ATRNL1: variants seen among roughly 807,000 people sequenced by gnomAD.
ATRNL1 encodes the protein attractin-like protein 1.
ATRNL1 carries 95 observed loss-of-function variants against 182.7 expected under a neutral mutation model. The observed-to-expected ratio is 0.52, with a 90% CI of 0.44 to 0.62. The LOEUF is 0.62. Ranked by LOEUF, ATRNL1 falls within the 20% of genes least tolerant of loss-of-function variation. The pLI, the probability that ATRNL1 is intolerant of heterozygous loss-of-function variation, is 0.00. For synonymous variants in ATRNL1, 576 were observed against 568.3 expected, an observed-to-expected ratio of 1.01 and a Z score of -0.19; for missense variants, 1,471 against 1,679.5, an observed-to-expected ratio of 0.88 and a Z score of 2.17.
intron 27 of ATRNL1, among the ~76,000 whole-genome samples, chr10:115,810,326 C>T (rs1258015854): frequency 1.3e-5 from 2 of 151,886 alleles, no homozygotes; most frequent in Non-Finnish European, 2.9e-5. Flanking sequence ...GTTTCCTCCT[C>T]ATCTGTTTTC....
chr10:115,667,593 T>G (rs573267485), intron 26 of ATRNL1, among the ~76,000 whole-genome samples: 9 of 151,936 alleles, frequency 5.9e-5, no homozygotes, highest in African/African-American at 2.2e-4. Flanking sequence ...TCTAGACCTC[T>G]GAAAGTCTAG....
rs782634361 is a variant in ATRNL1, at chr10:115,093,638, T to TGAG, written c.-103_-101dup. The TGAG allele has an allele frequency of 8.6e-5, 102 of 1,189,392 alleles. No individual in the cohort carries two copies. The Admixed American group carries it at 1.3e-3, about 15-fold the overall frequency. 73.7% of individuals were successfully genotyped at this position (1,189,392 alleles called of 1,614,324 possible). A position where few individuals can be genotyped will look rare whatever the true frequency, so the allele number is the denominator to read the frequency against. On this transcript the variant is annotated 5_prime_UTR_variant, in exon 1 of 29. Coordinates refer to ENST00000355044, the MANE Select transcript of ATRNL1 (RefSeq NM_207303.4). This position sits in a 1 kb window ranked among gnomAD's most constrained non-coding sequence, Gnocchi z 6.1. ...GGAGCGGGACTCGGACGGGCGCCGG[T>TGAG]GAGGAGGAGGAGAAGCGGCGGCGGA...
chr10:115,843,794 A>T (rs1489080250), intron 27 of ATRNL1, among the ~76,000 whole-genome samples: 1 of 152,042 alleles, frequency 6.6e-6, no homozygotes, highest in Non-Finnish European at 1.5e-5. Flanking sequence ...GTTAGTACCC[A>T]CTACTTTTTA....
intron 28 of ATRNL1, among the ~76,000 whole-genome samples, chr10:115,881,463 C>T (rs1951825970): frequency 6.6e-6 from 1 of 152,210 alleles, no homozygotes; most frequent in Non-Finnish European, 1.5e-5. Flanking sequence ...AGCACAATAG[C>T]TTTCACCCAC....
chr10:115,686,750 A>G (rs1946230690), intron 26 of ATRNL1, among the ~76,000 whole-genome samples: 2 of 152,050 alleles, frequency 1.3e-5, no homozygotes, highest in Admixed American at 1.3e-4. Context: ...TTGATATCCA[A>G]GTTATCTTCC....
At chr10:115,687,618 GC>G (rs1451122516) in intron 26 of ATRNL1, among the ~76,000 whole-genome samples, 2 of 151,948 alleles carry the variant, frequency 1.3e-5, no homozygotes, top group Non-Finnish European at 2.9e-5. Context: ...TAATTTCATT[GC>G]CCCTTTGGAA....
At chr10:115,258,517 T>C (rs1399696128) in intron 10 of ATRNL1, among the ~76,000 whole-genome samples, 6 of 152,094 alleles carry the variant, frequency 3.9e-5, no homozygotes, top group Non-Finnish European at 5.9e-5. Flanking sequence ...ATTCGTCTAA[T>C]CTTTTTTTCA....
In ATRNL1 at chr10:115,617,369, T is replaced by TG. The variant is rs576545595; in HGVS notation, c.3795+67834dup. Among the ~76,000 whole-genome samples the TG allele has an allele frequency of 9.9e-3, 1,079 of 108,496 alleles. 9 individuals carry two copies. The highest frequency in any genetic ancestry group is 0.015 in the Non-Finnish European group (764 of 50,532). The allele number at this position is 108,496 out of a possible 152,430, so 71.2% of individuals were successfully genotyped here. A position where few individuals can be genotyped will look rare whatever the true frequency, so the allele number is the denominator to read the frequency against. On this transcript the variant is annotated intron_variant, in intron 26 of 28. Transcript: ENST00000355044. ...ACTAACTTGGTTTTTTTTTGTTTTT[T>TG]GTTTTTTTTTAAACGGAGTCTTGCT... is the stretch of plus-strand genomic sequence containing the variant.
At chr10:115,561,920 T>C (rs780299700) in intron 26 of ATRNL1, among the ~76,000 whole-genome samples, 5 of 152,134 alleles carry the variant, frequency 3.3e-5, no homozygotes, top group Non-Finnish European at 5.9e-5. Context: ...TCCTCACACA[T>C]TGTTGTTGAA....
Position 115,516,674 on chromosome 10 carries a change from A to G in ATRNL1, c.3655-2589A>G, listed in dbSNP as rs1251106911. ...GCTTTTTGCTTTCTAATCTGAATTT[A>G]TTTACAACTACTCTGTCCTTTGCTC... is the stretch of plus-strand genomic sequence containing the variant. On this transcript the variant is annotated intron_variant, in intron 24 of 28. Transcript: ENST00000355044. 2.0e-5 allele frequency among the ~76,000 whole-genome samples: 3 copies of G among 151,880 alleles called. No homozygotes were observed. In the East Asian group the frequency reaches 5.8e-4, roughly 29 times the overall value.
chr10:115,750,609 G>A (rs115572635), intron 27 of ATRNL1, among the ~76,000 whole-genome samples: 1 of 151,514 alleles, frequency 6.6e-6, no homozygotes, highest in African/African-American at 2.4e-5. Flanking sequence ...GCTAATAAAG[G>A]TGACAATATG....
chr10:115,144,452 C>T (rs1845888592), intron 5 of ATRNL1, among the ~76,000 whole-genome samples: 1 of 152,034 alleles, frequency 6.6e-6, no homozygotes, highest in Non-Finnish European at 1.5e-5. Flanking sequence ...GCCACTGTGC[C>T]CGGCCAATTT....
chr10:115,603,013 G>A (rs565574738), intron 26 of ATRNL1, among the ~76,000 whole-genome samples: 3 of 152,270 alleles, frequency 2.0e-5, no homozygotes, highest in African/African-American at 4.8e-5. Context: ...GAAGAGGTAC[G>A]TAGGGCAAGG....
chr10:115,172,508 A>G (rs1847333614), intron 8 of ATRNL1, among the ~76,000 whole-genome samples: 1 of 151,906 alleles, frequency 6.6e-6, no homozygotes, highest in Admixed American at 6.6e-5. Flanking sequence ...TGATCTACCA[A>G]AGATTTTGTT....
intron 25 of ATRNL1, among the ~76,000 whole-genome samples, chr10:115,535,619 T>C (rs1592808555): frequency 6.6e-6 from 1 of 152,352 alleles, no homozygotes; most frequent in East Asian, 1.9e-4. Context: ...ATCAGAGTCA[T>C]TCTCCGTCCA....
intron 24 of ATRNL1, among the ~76,000 whole-genome samples, chr10:115,493,233 A>G (rs576704208): frequency 6.6e-6 from 1 of 152,084 alleles, no homozygotes; most frequent in Non-Finnish European, 1.5e-5. Context: ...AGCATAGTAC[A>G]CAATAGGTAG....
intron 13 of ATRNL1, among the ~76,000 whole-genome samples, chr10:115,274,638 A>T (rs1252008988): frequency 6.6e-6 from 1 of 152,196 alleles, no homozygotes; most frequent in African/African-American, 2.4e-5. Flanking sequence ...GTCTTGTGGA[A>T]TAAAAAGGCA....
intron 21 of ATRNL1, among the ~76,000 whole-genome samples, chr10:115,456,303 C>T (rs1847520665): frequency 6.6e-6 from 1 of 152,140 alleles, no homozygotes; most frequent in African/African-American, 2.4e-5. Flanking sequence ...ATTATGCAGC[C>T]ATAATAAAGA....
intron 20 of ATRNL1, among the ~76,000 whole-genome samples, chr10:115,416,051 G>C (rs1845373612): frequency 6.6e-6 from 1 of 151,960 alleles, no homozygotes. Flanking sequence ...TTGTCCCTAA[G>C]CATTGAGATC....
Sources: gnomAD v4.1 joint callset for allele counts (sites outside exome capture counted in the v4.1 genomes callset) on GRCh38, gnomAD v4.1.1 for gene constraint, Gnocchi (gnomAD v3.1) non-coding constraint, MANE v1.5 for transcripts, NCBI Gene and HGNC (gene_info 2026-07-23, HGNC 2026-07-21) for gene names.